The following TCF20 variants were observed in gnomAD, a reference collection of about 807,000 sequenced individuals.
TCF20 encodes transcription factor 20, also known as SPRE-binding protein.
TCF20 carries 3 observed loss-of-function variants against 148.6 expected under a neutral mutation model. That is an observed-to-expected ratio of 0.02 (90% CI 0.01 to 0.05). TCF20 has a LOEUF of 0.05. Ranked by LOEUF, TCF20 falls within the 10% of genes least tolerant of loss-of-function variation. TCF20 has a pLI of 1.00. For synonymous variants in TCF20, 1,049 were observed against 909.5 expected (o/e 1.15, Z -2.76); for missense variants, 2,350 against 2,429.3 (o/e 0.97, Z 0.69).
intron 1 of TCF20, among the ~76,000 whole-genome samples, chr22:42,248,158 G>A (rs78845303): frequency 1.5e-3 from 229 of 152,344 alleles, no homozygotes; most frequent in African/African-American, 5.3e-3. Context: ...CAGGGCTGAG[G>A]GAGAGAGCAC....
rs377368957 is a variant in TCF20 at position 42,210,030 on chromosome 22, C to T, written c.5276G>A (p.Gly1759Asp). The T allele has an allele frequency of 2.5e-6, 4 of 1,612,708 alleles. No individual in the cohort carries two copies. The highest frequency in any genetic ancestry group is 3.4e-6 in the Non-Finnish European group (4 of 1,180,030). The change falls in exon 2 of 6, where the codon GGC becomes GAC. Residue 1759 changes from glycine (G) to aspartate (D), a missense_variant. Gly to Asp is a moderately conservative substitution (Grantham distance 94). Around this residue, in one of 7 missense-constraint regions of TCF20, gnomAD observed 374 missense variants for 398.3 expected, o/e 0.94. Transcript: ENST00000677622. The surrounding 1 kb of genome is among the most constrained non-coding windows in gnomAD (Gnocchi z 4.7). ...VKVRHKSASN[G>D]SKTDTEEEEE... ...CTCCTCCTCAGTGTCCGTCTTGGAG[C>T]CATTAGAAGCACTTTTGTGCCGTAC... is the stretch of plus-strand genomic sequence containing the variant.
intron 2 of TCF20, among the ~76,000 whole-genome samples, chr22:42,186,873 TAC>T (rs1370226429): frequency 2.0e-5 from 3 of 152,214 alleles, no homozygotes; most frequent in Non-Finnish European, 4.4e-5. Flanking sequence ...CACAACTGCA[TAC>T]AAATTAAATT....
chr22:42,213,040 C>T lies in TCF20; in HGVS notation c.2266G>A (p.Val756Met). Reference protein sequence around the residue: ...NEKFPSLLQEVLQGYHHHPDR... With the variant: ...NEKFPSLLQEMLQGYHHHPDR... Reference sequence around the variant, plus strand: ...GGGTGGTGGTGGTAACCCTGAAGCACTTCCTGCAGGAGGCTTGGGAATTTT... The same window carrying T: ...GGGTGGTGGTGGTAACCCTGAAGCATTTCCTGCAGGAGGCTTGGGAATTTT... The change falls in exon 2 of 6, where the codon GTG becomes ATG. Residue 756 changes from valine (V) to methionine (M), a missense_variant. Transcript: ENST00000677622. 6.2e-7 allele frequency: 1 copy of T among 1,614,134 alleles called. No homozygotes were observed. The highest frequency in any genetic ancestry group is 8.5e-7 in the Non-Finnish European group (1 of 1,180,008).
At position 42,290,353 on chromosome 22, in the gene TCF20, G is replaced by T. The variant is rs1439856179; in HGVS notation, c.-37+53126C>A. ...ACAGCAGAGCTCCGAGGAACTGGCA[G>T]CCAGGGGCTAGCTAATCCCAGCCAA... On this transcript the variant is annotated intron_variant, in intron 1 of 1. Coordinates refer to the TCF20 transcript ENST00000515426. The surrounding 1 kb of genome is among the most constrained non-coding windows in gnomAD (Gnocchi z 4.2). Among the ~76,000 whole-genome samples the T allele has an allele frequency of 6.6e-6, 1 of 152,252 alleles. No homozygotes were observed. Among genetic ancestry groups the T allele is most frequent in the African/African-American group, 2.4e-5 (1 of 41,472 alleles).
intron 1 of TCF20, among the ~76,000 whole-genome samples, chr22:42,244,744 G>A (rs867700404): frequency 1.1e-4 from 17 of 152,132 alleles, no homozygotes; most frequent in South Asian, 1.0e-3. Context: ...TCGAGTGTTC[G>A]CTTAAAAATG....
chr22:42,243,292 C>CAAAAAAAAACAAAAAAA (rs1924605276), intron 1 of TCF20, among the ~76,000 whole-genome samples: 1 of 39,478 alleles, frequency 2.5e-5, no homozygotes, highest in African/African-American at 8.5e-5. Context: ...GACACTGTCT[C>CAAAAAAAAACAAAAAAA]AAAAAAAAAA....
At chr22:42,252,643 G>A (rs927006753) in intron 1 of TCF20, among the ~76,000 whole-genome samples, 3 of 152,086 alleles carry the variant, frequency 2.0e-5, no homozygotes, top group African/African-American at 4.8e-5. Flanking sequence ...TAGAGACGGG[G>A]CTTCACCTTG....
At chr22:42,224,994 T>TAA (rs2043889608) in intron 1 of TCF20, among the ~76,000 whole-genome samples, 1 of 138,518 alleles carries the variant, frequency 7.2e-6, no homozygotes, top group South Asian at 2.3e-4. Flanking sequence ...GTGTAGGAAA[T>TAA]AATCACTTTT....
At chr22:42,295,851 T>C (rs933088715) in intron 1 of TCF20, among the ~76,000 whole-genome samples, 37 of 152,180 alleles carry the variant, frequency 2.4e-4, no homozygotes, top group Non-Finnish European at 2.9e-5. Flanking sequence ...AGAAATCCTG[T>C]GCAGCCTTCA....
chr22:42,207,459 C>T (rs1199112865), intron 2 of TCF20, among the ~76,000 whole-genome samples: 1 of 152,114 alleles, frequency 6.6e-6, no homozygotes, highest in African/African-American at 2.4e-5. Context: ...GGCTAGCAAG[C>T]CTGGCCCATA....
At chr22:42,191,723 T>C (rs1937344931) in intron 2 of TCF20, among the ~76,000 whole-genome samples, 2 of 152,208 alleles carry the variant, frequency 1.3e-5, no homozygotes, top group South Asian at 2.1e-4. Flanking sequence ...GTTTTTCCTA[T>C]GTTAAAAGGA....
chr22:42,209,051 C>A (rs1938588419), intron 2 of TCF20, among the ~76,000 whole-genome samples: 1 of 152,142 alleles, frequency 6.6e-6, no homozygotes, highest in African/African-American at 2.4e-5. Flanking sequence ...AGTGGACAAA[C>A]CAGGAAGAAC....
At chr22:42,276,073 C>A (rs1926772112) in intron 1 of TCF20, among the ~76,000 whole-genome samples, 1 of 152,190 alleles carries the variant, frequency 6.6e-6, no homozygotes, top group Admixed American at 6.5e-5. Context: ...TGCCTGAAAG[C>A]TCAAGACTTT....
intron 5 of TCF20, among the ~76,000 whole-genome samples, chr22:42,163,632 G>A (rs1840904445): frequency 6.6e-6 from 1 of 152,232 alleles, no homozygotes; most frequent in African/African-American, 2.4e-5. Context: ...GGCCAGAGGT[G>A]GGACTGGGGC....
intron 1 of TCF20, among the ~76,000 whole-genome samples, chr22:42,267,054 G>A (rs188692680): frequency 2.0e-5 from 3 of 152,172 alleles, no homozygotes; most frequent in Non-Finnish European, 2.9e-5. Context: ...CGGCTCACCT[G>A]AGGTCGAGTT....
chr22:42,261,928 T>C (rs1403061305), intron 1 of TCF20, among the ~76,000 whole-genome samples: 2 of 151,506 alleles, frequency 1.3e-5, no homozygotes, highest in African/African-American at 4.9e-5. Flanking sequence ...GAGGCGGAGG[T>C]TGCAGTGAGC....
intron 1 of TCF20, among the ~76,000 whole-genome samples, chr22:42,229,547 G>A (rs1469037558): frequency 1.3e-5 from 2 of 152,196 alleles, no homozygotes; most frequent in African/African-American, 4.8e-5. Context: ...CGCAGGTACA[G>A]TACAGTGAAG....
At chr22:42,286,022 C>G (rs1927025121), upstream of TCF20, among the ~76,000 whole-genome samples, 3 of 152,212 alleles carry the variant, frequency 2.0e-5, no homozygotes, top group South Asian at 6.2e-4. Context: ...AGGCTGACTG[C>G]TCAAGTTCAA....
chr22:42,234,865 T>G (rs1447859874), intron 1 of TCF20, among the ~76,000 whole-genome samples: 6 of 152,038 alleles, frequency 3.9e-5, no homozygotes, highest in Non-Finnish European at 8.8e-5. Flanking sequence ...TTGTGCCGGG[T>G]GCAGTGGCTC....
Sources: gnomAD v4.1 joint callset for allele counts (sites outside exome capture counted in the v4.1 genomes callset) on GRCh38, gnomAD v4.1.1 for gene constraint, gnomAD v4.1.1 regional missense constraint, Gnocchi (gnomAD v3.1) non-coding constraint, MANE v1.5 for transcripts, NCBI Gene and HGNC (gene_info 2026-07-23, HGNC 2026-07-21) for gene names.